Variants in PRPF8 observed in about 807,000 individuals in gnomAD.
PRPF8 encodes pre-mRNA processing factor 8.
PRPF8 carries 64 observed loss-of-function variants against 285.9 expected under a neutral mutation model. The ratio of observed to expected loss-of-function variants is 0.22; its 90% CI spans 0.18 to 0.28. The LOEUF is 0.28. Among genes scored for constraint, PRPF8 ranks in the 10% least tolerant of loss-of-function variants. The pLI, the probability that PRPF8 is intolerant of heterozygous loss-of-function variation, is 1.00. For missense variants in PRPF8, 1,426 were observed against 3,026.7 expected (o/e 0.47, Z 12.41); for synonymous variants, 1,325 against 1,118.2 (o/e 1.18, Z -3.69).
In PRPF8 at chr17:1,665,370, C is replaced by T. The variant is rs1413065087; in HGVS notation, c.3775-3217G>A. ...CCAGCTAACACGGTGAAACCCGTCT[C>T]TACTACAAATACAAAAAATTAGCTG... is the stretch of plus-strand genomic sequence containing the variant. On this transcript the variant is annotated intron_variant, in intron 24 of 42. Transcript: ENST00000304992. Among the ~76,000 whole-genome samples, 3 of 149,558 alleles carry T rather than the reference C, an allele frequency of 2.0e-5. No homozygotes were observed. In the Admixed American group the frequency reaches 2.0e-4, roughly 10 times the overall value.
rs757526364 is a variant in PRPF8 at position 1,677,180 on chromosome 17, T to G, written c.1985-8A>C. ...CCCCCTTTGAGTGTCGACCTGGAAG[T>G]AGAGTGTCCCAAGGGGATTACAAGG... On this transcript the variant is annotated splice_region_variant and splice_polypyrimidine_tract_variant and intron_variant, in intron 14 of 42. Transcript: ENST00000304992. The G allele has an allele frequency of 2.5e-6, 4 of 1,612,750 alleles. No individual in the cohort carries two copies. Among genetic ancestry groups the G allele is most frequent in the Non-Finnish European group, 3.4e-6 (4 of 1,179,800 alleles).
At position 1,682,134 on chromosome 17, in the gene PRPF8, C is replaced by A. The variant is rs779810098; in HGVS notation, c.429G>T (p.Gln143His). 3 of 1,614,102 alleles carry A rather than the reference C, an allele frequency of 1.9e-6. No homozygotes were observed. Among genetic ancestry groups the A allele is most frequent in the Non-Finnish European group, 2.5e-6 (3 of 1,180,018 alleles). Residue 143 changes from glutamine (Q) to histidine (H), a missense_variant, in exon 4 of 43, where the codon CAG becomes CAT. Gln to His is a conservative substitution (Grantham distance 24). Coordinates refer to ENST00000304992, the MANE Select transcript of PRPF8 (RefSeq NM_006445.4). ...PWVIEPVYIS[Q>H]WGSMWIMMRR... ...CATATTTCAGCCTTTCTCACCCCCACTGGGAGATGTAGACAGGTTCAATGA... is the reference window on the plus strand; with the variant it reads ...CATATTTCAGCCTTTCTCACCCCCAATGGGAGATGTAGACAGGTTCAATGA...
In PRPF8 at chr17:1,658,246, T is replaced by TGCTC; in HGVS notation, c.5505+3_5505+6dup. 6.2e-7 allele frequency: 1 copy of TGCTC among 1,614,156 alleles called. No individual in the cohort carries two copies. Among genetic ancestry groups the TGCTC allele is most frequent in the South Asian group, 1.1e-5 (1 of 91,080 alleles). Reference sequence around the variant, plus strand: ...TCTACAGCCTCTTCATCTTTAAACCTGCTCACCTGCCCCAAACGCTTCTGT... The same window carrying TGCTC: ...TCTACAGCCTCTTCATCTTTAAACCTGCTCGCTCACCTGCCCCAAACGCTTCTGT... On this transcript the variant is annotated splice_region_variant and intron_variant, in intron 34 of 42. Transcript: ENST00000304992. This position sits in a 1 kb window ranked among gnomAD's most constrained non-coding sequence, Gnocchi z 4.1.
At position 1,676,715 on chromosome 17, in the gene PRPF8, A is replaced by G. The variant is rs775858176; in HGVS notation, c.2182-4T>C. 3.1e-6 allele frequency: 5 copies of G among 1,613,702 alleles called. No homozygotes were observed. The highest frequency in any genetic ancestry group is 4.2e-6 in the Non-Finnish European group (5 of 1,179,980). On this transcript the variant is annotated splice_region_variant and splice_polypyrimidine_tract_variant and intron_variant, in intron 15 of 42. Transcript: ENST00000304992. The surrounding 1 kb of genome is among the most constrained non-coding windows in gnomAD (Gnocchi z 6.3). ...TGGGCGTCGGCAGCCCAGGGACCTA[A>G]AAGTCCAAAAAGCACAATCAAGCCA...
chr17:1,656,592 G>C (rs761301511), intron 35 of PRPF8, 27 bp from the exon 36 acceptor site: 8 of 1,614,022 alleles, frequency 5.0e-6, no homozygotes, highest in South Asian at 3.3e-5. Flanking sequence ...TCCAAGATGA[G>C]AAACAGCCTG....
At chr17:1,664,441 A>G (rs1340577544) in intron 24 of PRPF8, among the ~76,000 whole-genome samples, 1 of 152,208 alleles carries the variant, frequency 6.6e-6, no homozygotes, top group Non-Finnish European at 1.5e-5. Context: ...ACAATAGCAG[A>G]ATACAGATTA....
In PRPF8 at chr17:1,650,924, G is replaced by A; in HGVS notation, c.6886C>T (p.Leu2296=). Reference sequence around the variant, plus strand: ...AACTCTTTGGGGTTCGCCAGCTGTAGCTCATATTTCATGTTGGGGTCATGC... The same window carrying A: ...AACTCTTTGGGGTTCGCCAGCTGTAACTCATATTTCATGTTGGGGTCATGC... The part of the protein sequence containing the change: ...VRHDPNMKYE[L]QLANPKEFYH... The change falls in exon 43 of 43, where the codon CTA becomes TTA. Residue 2296 remains leucine, a synonymous_variant. Coordinates refer to ENST00000304992, the MANE Select transcript of PRPF8 (RefSeq NM_006445.4). 1 of 1,614,204 alleles carries A rather than the reference G, an allele frequency of 6.2e-7. No individual in the cohort carries two copies. The highest frequency in any genetic ancestry group is 8.5e-7 in the Non-Finnish European group (1 of 1,180,040).
intron 24 of PRPF8, among the ~76,000 whole-genome samples, chr17:1,667,621 G>A (rs1217390573): frequency 3.9e-5 from 5 of 129,030 alleles, no homozygotes; most frequent in African/African-American, 1.2e-4. Context: ...TCAGCTCACC[G>A]CAACCTCCAC....
chr17:1,684,409 G>T (rs1168397428), intron 2 of PRPF8, 63 bp downstream of exon 2: 2 of 1,560,226 alleles, frequency 1.3e-6, no homozygotes, highest in African/African-American at 1.4e-5. Flanking sequence ...GTCCCCACCC[G>T]CCTGCGCGCG....
chr17:1,678,911 G>A (rs9902534), intron 11 of PRPF8, 30 bp from the exon 12 acceptor site: 291,049 of 1,613,680 alleles, frequency 0.18, 31,957 homozygotes, highest in African/African-American at 0.53. Flanking sequence ...CAGACAGAAC[G>A]TGAATGAGCA....
At chr17:1,683,510 A>C in intron 3 of PRPF8, 23 bp downstream of exon 3, 2 of 1,613,794 alleles carry the variant, frequency 1.2e-6, no homozygotes, top group Non-Finnish European at 1.7e-6. Flanking sequence ...TTCCAAATGA[A>C]ATTATTTCAG....
chr17:1,665,079 G>A (rs574505452), intron 24 of PRPF8, among the ~76,000 whole-genome samples: 1 of 145,944 alleles, frequency 6.9e-6, no homozygotes, highest in Non-Finnish European at 1.5e-5. Context: ...AGAATCGCTT[G>A]AACAGGGTAG....
In PRPF8 at chr17:1,680,977, G is replaced by C; in HGVS notation, c.944C>G (p.Ala315Gly). 6.2e-7 allele frequency: 1 copy of C among 1,613,682 alleles called. No homozygotes were observed. The highest frequency in any genetic ancestry group is 8.5e-7 in the Non-Finnish European group (1 of 1,179,580). Residue 315 changes from alanine (A) to glycine (G), a missense_variant, in exon 7 of 43, where the codon GCT becomes GGT. Ala to Gly is a moderately conservative substitution (Grantham distance 60). Around this residue, in one of 34 missense-constraint regions of PRPF8, gnomAD observed 157 missense variants for 159.6 expected, o/e 0.98. Transcript: ENST00000304992. ...RQPIRTEYKI[A>G]FPYLYNNLPH... ...AAGATTGTTGTACAAGTAAGGAAAA[G>C]CAATCTTGTACTCAGTGCGGATAGG...
Position 1,654,233 on chromosome 17 carries a change from C to G in PRPF8, c.5988-217G>C, listed in dbSNP as rs72820378. 4.4e-3 allele frequency: 2,978 copies of G among 679,550 alleles called. 10 individuals carry two copies. Among genetic ancestry groups the G allele is most frequent in the Non-Finnish European group, 6.1e-3 (2,323 of 381,524 alleles). The allele number at this position is 679,550 out of a possible 1,614,324, so 42.1% of individuals were successfully genotyped here. On this transcript the variant is annotated intron_variant, in intron 37 of 42. Coordinates refer to ENST00000304992, the MANE Select transcript of PRPF8 (RefSeq NM_006445.4). ...GACAGCACACTGCGTGTGCACCTTC[C>G]CACTGTTTAGCATCCATAAACCCTA...
At chr17:1,677,482 C>G in intron 14 of PRPF8, 83 bp downstream of exon 14, 1 of 1,581,524 alleles carries the variant, frequency 6.3e-7, no homozygotes, top group Non-Finnish European at 8.7e-7. Flanking sequence ...AGTGCTCATA[C>G]AAGAGCAGGG....
chr17:1,660,351 T>C lies in PRPF8; in HGVS notation c.4785+81A>G, dbSNP rs966420772. 91 of 1,606,794 alleles carry C rather than the reference T, an allele frequency of 5.7e-5. 1 individual carries two copies. Among genetic ancestry groups the C allele is most frequent in the Non-Finnish European group, 7.5e-5 (88 of 1,176,428 alleles). ...CCTCTCCCCTCGATTCCACCTGAGC[T>C]GACTCTGTACAGTACCCTCTCCCCT... is the stretch of plus-strand genomic sequence containing the variant. On this transcript the variant is annotated intron_variant, in intron 30 of 42. Coordinates refer to ENST00000304992, the MANE Select transcript of PRPF8 (RefSeq NM_006445.4).
chr17:1,660,173 G>A (rs1362449966), intron 30 of PRPF8, among the ~76,000 whole-genome samples, 172 bp from the exon 31 acceptor site: 2 of 151,486 alleles, frequency 1.3e-5, no homozygotes, highest in East Asian at 1.9e-4. Context: ...CTCTCCCCGC[G>A]ATTCCACCTG....
At position 1,675,471 on chromosome 17, in the gene PRPF8, T is replaced by C. The variant is rs62089971; in HGVS notation, c.2873-132A>G. ...GTATTCATTTGGATTGCTTTGACTA[T>C]GGGCTTTTCCTCAGTTTAACACGAA... On this transcript the variant is annotated intron_variant, in intron 19 of 42. Transcript: ENST00000304992. The surrounding 1 kb of genome is among the most constrained non-coding windows in gnomAD (Gnocchi z 6.0). The C allele has an allele frequency of 0.032, 46,652 of 1,449,596 alleles. 899 individuals carry two copies. Among genetic ancestry groups the C allele is most frequent in the Middle Eastern group, 0.048 (222 of 4,648 alleles). 89.8% of individuals were successfully genotyped at this position (1,449,596 alleles called of 1,614,324 possible).
chr17:1,662,986 A>G (rs1911754167), intron 24 of PRPF8, among the ~76,000 whole-genome samples: 1 of 152,246 alleles, frequency 6.6e-6, no homozygotes, highest in Admixed American at 6.5e-5. Context: ...AAGGCTGTTC[A>G]AAGCAAAAAG....
Sources: allele counts gnomAD v4.1 joint callset (sites outside exome capture counted in the v4.1 genomes callset), GRCh38; gene constraint gnomAD v4.1.1; regional missense constraint gnomAD v4.1.1; non-coding constraint Gnocchi (gnomAD v3.1); transcripts MANE v1.5; gene names NCBI Gene and HGNC (gene_info 2026-07-23, HGNC 2026-07-21).